PIF1: variants seen among roughly 807,000 people sequenced by gnomAD.
PIF1 encodes the protein ATP-dependent DNA helicase PIF1.
A neutral mutation model predicts 62.3 loss-of-function variants in PIF1; 67 were observed. That is an observed-to-expected ratio of 1.08 (90% CI 0.88 to 1.32). The LOEUF is 1.32. Ranked by LOEUF, PIF1 falls within the 40% of genes most tolerant of loss-of-function variation. PIF1 has a pLI of 0.00. For missense variants in PIF1, 886 were observed against 866.1 expected, an observed-to-expected ratio of 1.02 and a Z score of -0.29; for synonymous variants, 364 against 379.5, an observed-to-expected ratio of 0.96 and a Z score of 0.47.
Position 64,818,247 on chromosome 15 carries a change from C to A in PIF1, c.1528+10G>T. 1 of 1,614,084 alleles carries A rather than the reference C, an allele frequency of 6.2e-7. No homozygotes were observed. The highest frequency in any genetic ancestry group is 1.1e-5 in the South Asian group (1 of 91,076). On this transcript the variant is annotated intron_variant, in intron 10 of 12. Transcript: ENST00000559239. ...CCGTAGCAGGACTGCCACCTCCTCC[C>A]AACACTTACCTCTCCCTTCTGCCTC...
In PIF1 at chr15:64,825,640, T is replaced by C. The variant is rs1166329003; in HGVS notation, c.-91A>G. 6.6e-6 allele frequency: 1 copy of C among 152,178 alleles called. No individual in the cohort carries two copies. The highest frequency in any genetic ancestry group is 1.5e-5 in the Non-Finnish European group (1 of 68,034). The allele number at this position is 152,178 out of a possible 1,614,324, so 9.4% of individuals were successfully genotyped here. ...AAGCAGATCGTAGCCGGCCTGTGGC[T>C]AAGCTCCGAAACTAGAAATTTTTCA... On this transcript the variant is annotated 5_prime_UTR_variant, in exon 1 of 13. Transcript: ENST00000559239.
In PIF1 at chr15:64,816,531, C is replaced by A. The variant is rs202181487; in HGVS notation, c.1866+43G>T. On this transcript the variant is annotated intron_variant, in intron 12 of 12. Transcript: ENST00000559239. ...GCGCTCCCTCTGTCCTAGCTCCCACCCTGCCCGTGGCCACAGCCCACCACT... is the reference window on the plus strand; with the variant it reads ...GCGCTCCCTCTGTCCTAGCTCCCACACTGCCCGTGGCCACAGCCCACCACT... 1.2e-5 allele frequency: 19 copies of A among 1,606,666 alleles called. No individual in the cohort carries two copies. In the East Asian group the frequency reaches 4.0e-4, roughly 34 times the overall value.
Position 64,822,357 on chromosome 15 carries a change from C to A in PIF1, c.726G>T (p.Leu242=). The part of the protein sequence containing the change: ...TGKSYLLKRI[L]GSLPPTGTVA... ...CAGTGCCTGTGGGGGGCAGTGAGCC[C>A]AGGATTCGCTTTAGCAGATATGACT... The change falls in exon 4 of 13, where the codon CTG becomes CTT. Residue 242 remains leucine, a synonymous_variant. Coordinates refer to ENST00000559239, the MANE Select transcript of PIF1 (RefSeq NM_001286496.2). The A allele has an allele frequency of 6.2e-7, 1 of 1,614,042 alleles. No homozygotes were observed. The highest frequency in any genetic ancestry group is 8.5e-7 in the Non-Finnish European group (1 of 1,179,974).
rs149797757 is a variant in PIF1 at position 64,821,515 on chromosome 15, C to G, written c.823G>C (p.Gly275Arg). ...GTTLHAFAGIGSGQAPLAQCV... is the reference protein window; with the variant it reads ...GTTLHAFAGIRSGQAPLAQCV... ...TGGGCTAGAGGAGCCTGGCCTGAGC[C>G]GATGCCTGTGAGTGACACTATTCAG... The change falls in exon 5 of 13, where the codon GGC becomes CGC. Residue 275 changes from glycine to arginine, a missense_variant. Coordinates refer to ENST00000559239, the MANE Select transcript of PIF1 (RefSeq NM_001286496.2). The G allele has an allele frequency of 5.0e-6, 8 of 1,599,656 alleles. No individual in the cohort carries two copies. The highest frequency in any genetic ancestry group is 6.8e-6 in the Non-Finnish European group (8 of 1,172,910).
rs1293417986 is a variant in PIF1, at chr15:64,822,269, C to T, written c.814G>A (p.Ala272Thr). The part of the protein sequence containing the change: ...HIGGTTLHAF[A>T]GIGSGQAPLA... ...AGCCCTAGGGGTTCCTACTTACCTGCAAAGGCATGGAGGGTGGTGCCCCCG... is the reference window on the plus strand; with the variant it reads ...AGCCCTAGGGGTTCCTACTTACCTGTAAAGGCATGGAGGGTGGTGCCCCCG... Residue 272 changes from alanine (A) to threonine (T), a missense_variant, in exon 4 of 13, where the codon GCA (alanine) becomes ACA (threonine). Physicochemically the swap from Ala to Thr is moderately conservative, Grantham distance 58. Transcript: ENST00000559239. The T allele has an allele frequency of 1.2e-6, 2 of 1,612,302 alleles. No homozygotes were observed. The highest frequency in any genetic ancestry group is 1.7e-5 in the Admixed American group (1 of 59,260).
chr15:64,816,199 C>A lies in PIF1; in HGVS notation c.*99G>T. ...CTAAAAAATACAGAAGGGGACACTG[C>A]CTGCCTACTCCAGTTATTCCCTGGG... On this transcript the variant is annotated 3_prime_UTR_variant, in exon 13 of 13. Transcript: ENST00000559239. The A allele has an allele frequency of 6.3e-7, 1 of 1,579,576 alleles. No homozygotes were observed. Among genetic ancestry groups the A allele is most frequent in the Non-Finnish European group, 8.6e-7 (1 of 1,163,258 alleles).
At chr15:64,821,127 C>G in intron 6 of PIF1, 39 bp from the exon 7 acceptor site, 3 of 1,613,072 alleles carry the variant, frequency 1.9e-6, no homozygotes, top group South Asian at 1.1e-5. Flanking sequence ...AGGAGCAGAG[C>G]AGACCCCCAA....
chr15:64,822,665 C>A, intron 2 of PIF1, 55 bp from the exon 3 acceptor site: 1 of 1,606,756 alleles, frequency 6.2e-7, no homozygotes, highest in Non-Finnish European at 8.5e-7. Flanking sequence ...GCATTGCCCC[C>A]ACCCTTCTTG....
In PIF1 at chr15:64,821,378, C is replaced by T. The variant is rs1254839268; in HGVS notation, c.960G>A (p.Glu320=). Reference sequence around the variant, plus strand: ...CTGAACATACTGACCTGGCCACGGCCTCCAGTTTGTCAAACAGGTCTGCCT... The same window carrying T: ...CTGAACATACTGACCTGGCCACGGCTTCCAGTTTGTCAAACAGGTCTGCCT... ...MVEADLFDKL[E]AVARAVRQQN... Residue 320 remains glutamate (E), a synonymous_variant, in exon 5 of 13, where the codon GAG becomes GAA. Transcript: ENST00000559239. The T allele has an allele frequency of 6.2e-7, 1 of 1,614,054 alleles. No individual in the cohort carries two copies. Among genetic ancestry groups the T allele is most frequent in the South Asian group, 1.1e-5 (1 of 91,066 alleles).
chr15:64,815,844 T>G lies in PIF1; in HGVS notation c.*454A>C, dbSNP rs1394273142. 1.3e-6 allele frequency: 2 copies of G among 1,550,474 alleles called. No homozygotes were observed. Among genetic ancestry groups the G allele is most frequent in the East Asian group, 2.4e-5 (1 of 40,930 alleles). On this transcript the variant is annotated 3_prime_UTR_variant, in exon 13 of 13. Coordinates refer to ENST00000559239, the MANE Select transcript of PIF1 (RefSeq NM_001286496.2). ...CTGTAGAGACACACCTAAGTTCCGT[T>G]CTCTGTTTGGAGGCTGCACCCAGCC...
At chr15:64,824,716 G>A (rs1230128596) in intron 1 of PIF1, among the ~76,000 whole-genome samples, 1 of 151,340 alleles carries the variant, frequency 6.6e-6, no homozygotes, top group Non-Finnish European at 1.5e-5. Flanking sequence ...GCGTGGTGGC[G>A]GGCGCTTGTA....
In PIF1 at chr15:64,821,018, G is replaced by A; in HGVS notation, c.1157C>T (p.Thr386Ile). The change falls in exon 7 of 13, where the codon ACC becomes ATC. Residue 386 changes from threonine (T) to isoleucine (I), a missense_variant. Physicochemically the swap from Thr to Ile is moderately conservative, Grantham distance 89. Transcript: ENST00000559239. ...CACGGCCTGCAGTAGAGAGATGAAG[G>A]TCTGGTCTGCCTGCCTCCACACCTT... is the stretch of plus-strand genomic sequence containing the variant. ...LTKVWRQADQ[T>I]FISLLQAVRL... 1 of 1,614,120 alleles carries A rather than the reference G, an allele frequency of 6.2e-7. No homozygotes were observed. Among genetic ancestry groups the A allele is most frequent in the Non-Finnish European group, 8.5e-7 (1 of 1,180,030 alleles).
chr15:64,825,289 C>G (rs1464289849), intron 1 of PIF1, among the ~76,000 whole-genome samples: 2 of 152,044 alleles, frequency 1.3e-5, no homozygotes, highest in African/African-American at 4.8e-5. Flanking sequence ...TTATATGCAG[C>G]GGGCAGGTCT....
chr15:64,824,424 T>C (rs2084339217), intron 1 of PIF1, 70 bp from the exon 2 acceptor site: 2 of 1,085,328 alleles, frequency 1.8e-6, no homozygotes, highest in Non-Finnish European at 2.3e-6. Context: ...GGGGACGTAA[T>C]GGGTGCTATA....
intron 7 of PIF1, among the ~76,000 whole-genome samples, chr15:64,820,589 G>C (rs1426317819): frequency 6.6e-6 from 1 of 152,212 alleles, no homozygotes; most frequent in Non-Finnish European, 1.5e-5. Context: ...TAGAGACTGG[G>C]TTTCACCAGG....
chr15:64,822,357 C>T lies in PIF1; in HGVS notation c.726G>A (p.Leu242=), dbSNP rs2084302413. Residue 242 remains leucine (L), a synonymous_variant, in exon 4 of 13, where the codon CTG becomes CTA. Transcript: ENST00000559239. ...CAGTGCCTGTGGGGGGCAGTGAGCC[C>T]AGGATTCGCTTTAGCAGATATGACT... is the stretch of plus-strand genomic sequence containing the variant. ...TGKSYLLKRI[L]GSLPPTGTVA... is the part of the protein sequence containing the mutation. 1.9e-6 allele frequency: 3 copies of T among 1,613,924 alleles called. No homozygotes were observed. The highest frequency in any genetic ancestry group is 2.7e-5 in the African/African-American group (2 of 74,922).
chr15:64,818,857 G>A (rs2084236339), intron 9 of PIF1: 1 of 395,594 alleles, frequency 2.5e-6, no homozygotes, highest in South Asian at 6.2e-5. Context: ...CCATTTTTAG[G>A]GATGAGGGGA....
At position 64,820,964 on chromosome 15, in the gene PIF1, C is replaced by G. The variant is rs1211225217; in HGVS notation, c.1193+18G>C. On this transcript the variant is annotated intron_variant, in intron 7 of 12. Transcript: ENST00000559239. ...GGATCCTCATCCCATAGCCCCTTCC[C>G]CAACCAGCAGAGCTCACCTGCCTAG... 4 of 1,609,368 alleles carry G rather than the reference C, an allele frequency of 2.5e-6. No individual in the cohort carries two copies. In the South Asian group the frequency reaches 4.4e-5, roughly 18 times the overall value.
rs1406636966 is a variant in PIF1, at chr15:64,820,695, CCT to C, written c.1193+285_1193+286del. Among the ~76,000 whole-genome samples, 4 of 152,234 alleles carry C rather than the reference CCT, an allele frequency of 2.6e-5. No homozygotes were observed. In the East Asian group the frequency reaches 5.8e-4, roughly 22 times the overall value. On this transcript the variant is annotated intron_variant, in intron 7 of 12. Transcript: ENST00000559239. ...CAGGCGTGAGCCACCGTGCCCAGCC[CCT>C]GACACCTACTTTATGCCAGGCCTTG...
Sources: allele counts gnomAD v4.1 joint callset (sites outside exome capture counted in the v4.1 genomes callset), GRCh38; gene constraint gnomAD v4.1.1; transcripts MANE v1.5; gene names NCBI Gene and HGNC (gene_info 2026-07-23, HGNC 2026-07-21).